The following BORCS5 variants were observed in gnomAD, a reference collection of about 807,000 sequenced individuals.
BORCS5 encodes the protein BLOC-1 related complex subunit 5.
In BORCS5, 17 loss-of-function variants were observed where a neutral mutation model predicts 22.1. The ratio of observed to expected loss-of-function variants is 0.77; its 90% confidence interval spans 0.53 to 1.15. The LOEUF (loss-of-function observed/expected upper bound fraction) is 1.15. Ranked by LOEUF, BORCS5 falls within the 50% of genes most tolerant of loss-of-function variation. The probability of loss-of-function intolerance (pLI) is 0.00; values close to 1 mark genes in which losing one functional copy is unlikely to be tolerated. For synonymous variants in BORCS5, 117 were observed against 99.8 expected, an observed-to-expected ratio of 1.17 and a Z score of -1.03; for missense variants, 247 against 253.2, an observed-to-expected ratio of 0.98 and a Z score of 0.17.
chr12:12,385,200 TC>T (rs1195844448), intron 2 of BORCS5, among the ~76,000 whole-genome samples: 4 of 151,580 alleles, frequency 2.6e-5, no homozygotes, highest in Non-Finnish European at 5.9e-5. Context: ...CTTTCAGGTC[TC>T]TGCTGCAAAT....
chr12:12,415,048 G>A (rs1416511738), intron 2 of BORCS5, among the ~76,000 whole-genome samples: 8 of 146,148 alleles, frequency 5.5e-5, no homozygotes, highest in Non-Finnish European at 9.1e-5. Context: ...GGGCGGAGAC[G>A]CTCCTCACTT....
At chr12:12,391,248 G>A (rs1170438684) in intron 2 of BORCS5, among the ~76,000 whole-genome samples, 1 of 152,000 alleles carries the variant, frequency 6.6e-6, no homozygotes, top group Non-Finnish European at 1.5e-5. Flanking sequence ...CTTAGCAAAG[G>A]ACCCTATACA....
intron 3 of BORCS5, among the ~76,000 whole-genome samples, chr12:12,465,060 C>T (rs4570678): frequency 0.068 from 10,298 of 152,206 alleles, 447 homozygotes; most frequent in Non-Finnish European, 0.089. Flanking sequence ...CAGCTTCGAC[C>T]TTCTGGACTC....
chr12:12,417,448 T>G (rs893686093), intron 2 of BORCS5, among the ~76,000 whole-genome samples: 2 of 152,194 alleles, frequency 1.3e-5, no homozygotes, highest in African/African-American at 2.4e-5. Context: ...GTTAGGTACA[T>G]TATTCTGTCT....
At chr12:12,456,754 A>G (rs1592141535) in intron 3 of BORCS5, among the ~76,000 whole-genome samples, 1 of 151,978 alleles carries the variant, frequency 6.6e-6, no homozygotes, top group East Asian at 1.9e-4. Context: ...GATTTCAGTT[A>G]TTACGTAGTG....
intron 3 of BORCS5, among the ~76,000 whole-genome samples, chr12:12,447,156 G>A (rs189927094): frequency 2.5e-4 from 38 of 152,250 alleles, no homozygotes; most frequent in African/African-American, 8.4e-4. Context: ...ATCAGATATT[G>A]TAATAGTCAT....
intron 2 of BORCS5, among the ~76,000 whole-genome samples, chr12:12,414,131 T>A (rs1456828320): frequency 1.9e-5 from 1 of 52,250 alleles, no homozygotes; most frequent in Non-Finnish European, 3.8e-5. Context: ...ACCTCCCTCC[T>A]GGACGGGGCG....
At chr12:12,401,976 G>A (rs1814949591) in intron 2 of BORCS5, among the ~76,000 whole-genome samples, 1 of 150,992 alleles carries the variant, frequency 6.6e-6, no homozygotes, top group South Asian at 2.1e-4. Context: ...TGAGGCAGGA[G>A]AATGGCGTGA....
intron 2 of BORCS5, among the ~76,000 whole-genome samples, chr12:12,413,714 C>T (rs1160943140): frequency 8.8e-6 from 1 of 113,652 alleles, no homozygotes; most frequent in Non-Finnish European, 1.9e-5. Flanking sequence ...GGGGGCTGAC[C>T]CCCCCACCAT....
intron 3 of BORCS5, among the ~76,000 whole-genome samples, chr12:12,459,905 C>G (rs182197355): frequency 2.6e-5 from 4 of 152,152 alleles, no homozygotes; most frequent in Non-Finnish European, 5.9e-5. Flanking sequence ...ATCTGTGTGT[C>G]TCTATGCCAG....
intron 2 of BORCS5, among the ~76,000 whole-genome samples, chr12:12,379,098 T>G (rs1026796205): frequency 6.6e-6 from 1 of 150,648 alleles, no homozygotes; most frequent in Admixed American, 6.6e-5. Context: ...CTTTCTTTCT[T>G]CTTTCTTCTT....
At chr12:12,402,327 C>T (rs905246294) in intron 2 of BORCS5, among the ~76,000 whole-genome samples, 3 of 152,112 alleles carry the variant, frequency 2.0e-5, no homozygotes, top group African/African-American at 7.2e-5. Flanking sequence ...AGCAAAACAA[C>T]ATGCTTAAGG....
chr12:12,465,637 A>G lies in BORCS5; in HGVS notation c.452A>G (p.Glu151Gly). Residue 151 changes from glutamate (E) to glycine (G), a missense_variant, in exon 4 of 4, where the codon GAG (glutamate) becomes GGG (glycine). Transcript: ENST00000314565. ...GCCGAGCAGATCCAGAAAGTGAACG[A>G]GATGTCCGCCATCCTCCGCCGCATA... Reference protein sequence around the residue: ...KYAEQIQKVNEMSAILRRIQM... With the variant: ...KYAEQIQKVNGMSAILRRIQM... 6.2e-7 allele frequency: 1 copy of G among 1,614,258 alleles called. No individual in the cohort carries two copies.
At chr12:12,397,037 A>G (rs1403808715) in intron 2 of BORCS5, among the ~76,000 whole-genome samples, 1 of 152,192 alleles carries the variant, frequency 6.6e-6, no homozygotes, top group Non-Finnish European at 1.5e-5. Context: ...ACAGCAGCAC[A>G]AACCTGTGAT....
intron 2 of BORCS5, among the ~76,000 whole-genome samples, chr12:12,418,438 C>T (rs980918149): frequency 6.6e-6 from 1 of 152,136 alleles, no homozygotes; most frequent in African/African-American, 2.4e-5. Context: ...ATAATCCCAG[C>T]ACTTTGAGAG....
intron 2 of BORCS5, among the ~76,000 whole-genome samples, chr12:12,391,887 C>T (rs1555147715): frequency 3.9e-5 from 2 of 51,632 alleles, no homozygotes; most frequent in Non-Finnish European, 8.5e-5. Context: ...AAAAAAAAAA[C>T]GCTAAAAATT....
chr12:12,383,042 T>G (rs147956320), intron 2 of BORCS5, among the ~76,000 whole-genome samples: 23 of 151,544 alleles, frequency 1.5e-4, no homozygotes, highest in Middle Eastern at 3.4e-3. Flanking sequence ...TTCTATACAT[T>G]CTTGTCTATT....
chr12:12,437,625 T>C (rs1460492573), intron 3 of BORCS5, among the ~76,000 whole-genome samples: 1 of 152,060 alleles, frequency 6.6e-6, no homozygotes, highest in Admixed American at 6.6e-5. Flanking sequence ...TTCTTAGGAG[T>C]CTCACAATAA....
intron 2 of BORCS5, among the ~76,000 whole-genome samples, chr12:12,425,707 G>A (rs1022777800): frequency 5.9e-5 from 9 of 152,112 alleles, no homozygotes; most frequent in Non-Finnish European, 1.3e-4. Flanking sequence ...TTTAAATTTA[G>A]CTCCTTTTCA....
Sources: allele counts gnomAD v4.1 joint callset (sites outside exome capture counted in the v4.1 genomes callset), GRCh38; gene constraint gnomAD v4.1.1; transcripts MANE v1.5; gene names NCBI Gene and HGNC (gene_info 2026-07-23, HGNC 2026-07-21).